The following C14orf93 variants were observed in gnomAD, a reference collection of about 807,000 sequenced individuals.
C14orf93 encodes the protein chromosome 14 open reading frame 93, also known as uncharacterized protein C14orf93.
Under a neutral mutation model 44.0 loss-of-function variants are expected in C14orf93, and 23 were observed. The observed-to-expected ratio is 0.52, with a 90% CI of 0.38 to 0.74. The LOEUF (loss-of-function observed/expected upper bound fraction) is 0.74, where lower values mean the gene tolerates loss of function less well. Among genes scored for constraint, C14orf93 ranks in the 30% least tolerant of loss-of-function variants. The pLI, the probability that C14orf93 is intolerant of heterozygous loss-of-function variation, is 0.00. For missense variants in C14orf93, 579 were observed against 678.9 expected (o/e 0.85, Z 1.64); for synonymous variants, 253 against 265.7 (o/e 0.95, Z 0.46).
chr14:22,998,265 T>C (rs1260990721), intron 2 of C14orf93, 162 bp downstream of exon 2: 2 of 1,065,636 alleles, frequency 1.9e-6, no homozygotes, highest in East Asian at 2.9e-5. Flanking sequence ...AGGAAGAAAA[T>C]AGAGCTGACT....
Position 23,004,197 on chromosome 14 carries a change from C to A in C14orf93, c.-379-4795G>T, listed in dbSNP as rs191335707. ...TGCTGAGATTACAGGCGTGAGCCATCGTTCCCGGCCAAAATATATATATAT... is the reference window on the plus strand; with the variant it reads ...TGCTGAGATTACAGGCGTGAGCCATAGTTCCCGGCCAAAATATATATATAT... On this transcript the variant is annotated intron_variant, in intron 1 of 6. Coordinates refer to ENST00000299088, the MANE Select transcript of C14orf93 (RefSeq NM_021944.4). 2.5e-3 allele frequency among the ~76,000 whole-genome samples: 352 copies of A among 140,652 alleles called. 1 individual carries two copies. Among genetic ancestry groups the A allele is most frequent in the African/African-American group, 8.9e-3 (334 of 37,722 alleles). 92.3% of individuals were successfully genotyped at this position (140,652 alleles called of 152,430 possible).
At chr14:23,007,858 A>G (rs1054007064) in intron 1 of C14orf93, among the ~76,000 whole-genome samples, 4 of 152,126 alleles carry the variant, frequency 2.6e-5, no homozygotes, top group Non-Finnish European at 2.9e-5. Context: ...CTCCATTAAA[A>G]ATTCCCGTAA....
rs566553381 is a variant in C14orf93 at position 23,004,088 on chromosome 14, G to T, written c.-379-4686C>A. On this transcript the variant is annotated intron_variant, in intron 1 of 6. Coordinates refer to ENST00000299088, the MANE Select transcript of C14orf93 (RefSeq NM_021944.4). ...CCACTCCCAGGTAATTTTTGTATTT[G>T]TAGTAGAGATAGGGTTTCACCATAT... is the stretch of plus-strand genomic sequence containing the variant. 2.3e-3 allele frequency among the ~76,000 whole-genome samples: 346 copies of T among 147,480 alleles called. 1 individual carries two copies. Among genetic ancestry groups the T allele is most frequent in the African/African-American group, 8.2e-3 (329 of 40,014 alleles).
Position 22,996,331 on chromosome 14 carries a change from C to A in C14orf93, c.598-63G>T, listed in dbSNP as rs2045973730. 1 of 1,454,162 alleles carries A rather than the reference C, an allele frequency of 6.9e-7. No homozygotes were observed. The highest frequency in any genetic ancestry group is 9.2e-7 in the Non-Finnish European group (1 of 1,082,414). 90.1% of individuals were successfully genotyped at this position (1,454,162 alleles called of 1,614,324 possible). ...GGCTTAGGGGAACCTGGTTAACCAT[C>A]ATTCTTTGGCTAAGAATAGTGAACA... On this transcript the variant is annotated intron_variant, in intron 2 of 6. Transcript: ENST00000299088. This position sits in a 1 kb window ranked among gnomAD's most constrained non-coding sequence, Gnocchi z 4.1.
In C14orf93 at chr14:22,998,896, C is replaced by G. The variant is rs779151194; in HGVS notation, c.128G>C (p.Ser43Thr). 2 of 1,613,480 alleles carry G rather than the reference C, an allele frequency of 1.2e-6. No individual in the cohort carries two copies. Among genetic ancestry groups the G allele is most frequent in the African/African-American group, 1.3e-5 (1 of 74,754 alleles). Reference sequence around the variant, plus strand: ...ATGTCCAGTCACTGTGATGGGGGTGCTGGGAGGAGGATTCCCACCCTGGGA... The same window carrying G: ...ATGTCCAGTCACTGTGATGGGGGTGGTGGGAGGAGGATTCCCACCCTGGGA... ...TGSQGGNPPPSTPITVTGHGL... is the reference protein window; with the variant it reads ...TGSQGGNPPPTTPITVTGHGL... Residue 43 changes from serine to threonine, a missense_variant, in exon 2 of 7, where the codon AGC becomes ACC. Ser to Thr is a moderately conservative substitution (Grantham distance 58). Coordinates refer to ENST00000299088, the MANE Select transcript of C14orf93 (RefSeq NM_021944.4).
At chr14:22,992,231 C>T (rs2045684500) in intron 3 of C14orf93, among the ~76,000 whole-genome samples, 1 of 151,964 alleles carries the variant, frequency 6.6e-6, no homozygotes, top group Non-Finnish European at 1.5e-5. Context: ...TTTGGGAGGC[C>T]AAGGCGGGTG....
At chr14:22,997,564 C>T (rs1198906724) in intron 2 of C14orf93, among the ~76,000 whole-genome samples, 2 of 152,168 alleles carry the variant, frequency 1.3e-5, no homozygotes, top group African/African-American at 4.8e-5. Context: ...TTCATACTTC[C>T]ATGTGTGACA....
At position 22,987,264 on chromosome 14, in the gene C14orf93, C is replaced by T. The variant is rs761397472; in HGVS notation, c.1568G>A (p.Cys523Tyr). Reference protein sequence around the residue: ...PSFDQPHKTCCPDLNSFIEIK... With the variant: ...PSFDQPHKTCYPDLNSFIEIK... ...TTCAATGAATGAGTTCAAGTCAGGA[C>T]AGCAGGTTTTGTGGGGTTGGTCAAA... Residue 523 changes from cysteine (C) to tyrosine (Y), a missense_variant, in exon 7 of 7, where the codon TGT becomes TAT. By Grantham distance (194) the Cys-to-Tyr change is radical. Transcript: ENST00000299088. The surrounding 1 kb of genome is among the most constrained non-coding windows in gnomAD (Gnocchi z 5.6). 1.9e-6 allele frequency: 3 copies of T among 1,614,222 alleles called. No homozygotes were observed. The highest frequency in any genetic ancestry group is 1.7e-6 in the Non-Finnish European group (2 of 1,180,030).
At chr14:22,988,531 C>T (rs949319393) in intron 5 of C14orf93, among the ~76,000 whole-genome samples, 4 of 152,096 alleles carry the variant, frequency 2.6e-5, no homozygotes, top group African/African-American at 9.7e-5. Flanking sequence ...GACAGGGTCT[C>T]GCTCTGTCAC....
chr14:23,003,125 C>T (rs1594670661), intron 1 of C14orf93, among the ~76,000 whole-genome samples: 1 of 152,202 alleles, frequency 6.6e-6, no homozygotes, highest in East Asian at 1.9e-4. Context: ...TCAATTTGTT[C>T]CTCAATTGCT....
At chr14:22,995,888 A>G in intron 3 of C14orf93, 60 bp downstream of exon 3, 1 of 1,475,698 alleles carries the variant, frequency 6.8e-7, no homozygotes, top group Non-Finnish European at 9.1e-7. Flanking sequence ...CAACCCACCC[A>G]TCACTCTTCA....
intron 1 of C14orf93, among the ~76,000 whole-genome samples, chr14:23,004,362 CA>C (rs750648311): frequency 5.9e-5 from 9 of 151,386 alleles, no homozygotes; most frequent in Admixed American, 3.3e-4. Flanking sequence ...AGGTATGCAC[CA>C]CCACACCTGA....
rs1168985281 is a variant in C14orf93 at position 22,987,487 on chromosome 14, C to T, written c.1345G>A (p.Ala449Thr). Residue 449 changes from alanine (A) to threonine (T), a missense_variant, in exon 7 of 7, where the codon GCC (alanine) becomes ACC (threonine). By Grantham distance (58) the Ala-to-Thr change is moderately conservative. Coordinates refer to ENST00000299088, the MANE Select transcript of C14orf93 (RefSeq NM_021944.4). The surrounding 1 kb of genome is among the most constrained non-coding windows in gnomAD (Gnocchi z 5.6). ...TAGCAGAGCTCTGTGAGGCGCTGGG[C>T]CCGGAAACGGGGAGGGCGGGCCACC... is the stretch of plus-strand genomic sequence containing the variant. ...VWVARPPRFR[A>T]QRLTELCYHL... The T allele has an allele frequency of 6.2e-7, 1 of 1,614,088 alleles. No homozygotes were observed.
intron 3 of C14orf93, among the ~76,000 whole-genome samples, chr14:22,991,947 A>T (rs986886974): frequency 5.3e-5 from 8 of 152,204 alleles, no homozygotes; most frequent in Non-Finnish European, 2.9e-5. Context: ...GTATTTCTTC[A>T]TGTGTTACCA....
rs1047428832 is a variant in C14orf93 at position 22,985,896 on chromosome 14, G to C, written c.*1319C>G. The stretch of plus-strand genomic sequence containing the variant: ...AAAAATCCTAAGTCGAACCATCGTT[G>C]AGTTGGGGACTGCCTGTAGGCAAAA... On this transcript the variant is annotated 3_prime_UTR_variant, in exon 7 of 7. Coordinates refer to ENST00000299088, the MANE Select transcript of C14orf93 (RefSeq NM_021944.4). 4 of 152,232 alleles carry C rather than the reference G, an allele frequency of 2.6e-5. No homozygotes were observed. Among genetic ancestry groups the C allele is most frequent in the African/African-American group, 9.7e-5 (4 of 41,448 alleles). The allele number at this position is 152,232 out of a possible 1,614,324, so 9.4% of individuals were successfully genotyped here. A position where few individuals can be genotyped will look rare whatever the true frequency, so the allele number is the denominator to read the frequency against.
intron 3 of C14orf93, among the ~76,000 whole-genome samples, chr14:22,995,260 T>C (rs2045898405): frequency 6.6e-6 from 1 of 152,200 alleles, no homozygotes; most frequent in Non-Finnish European, 1.5e-5. Context: ...CTTCACTTGC[T>C]TTTCCACCCA....
chr14:22,999,955 AC>A, intron 1 of C14orf93: 1 of 152,204 alleles, frequency 6.6e-6, no homozygotes, highest in Admixed American at 6.5e-5. Flanking sequence ...ATAGTCGTGT[AC>A]CTGGGCCATG....
In C14orf93 at chr14:22,987,349, G is replaced by A. The variant is rs1194586898; in HGVS notation, c.1483C>T (p.Pro495Ser). Reference sequence around the variant, plus strand: ...TCATCTTCCTCTTCTTGGAAATTAGGATTGTAAAGTTCTGGTGGAAGGAGC... The same window carrying A: ...TCATCTTCCTCTTCTTGGAAATTAGAATTGTAAAGTTCTGGTGGAAGGAGC... ...AQLLPPELYNPNFQEEEDEGG... is the reference protein window; with the variant it reads ...AQLLPPELYNSNFQEEEDEGG... Residue 495 changes from proline (P) to serine (S), a missense_variant, in exon 7 of 7, where the codon CCT (proline) becomes TCT (serine). Coordinates refer to ENST00000299088, the MANE Select transcript of C14orf93 (RefSeq NM_021944.4). This position sits in a 1 kb window ranked among gnomAD's most constrained non-coding sequence, Gnocchi z 5.6. The A allele has an allele frequency of 5.0e-6, 8 of 1,614,122 alleles. No homozygotes were observed. Among genetic ancestry groups the A allele is most frequent in the Non-Finnish European group, 5.9e-6 (7 of 1,180,048 alleles).
intron 5 of C14orf93, among the ~76,000 whole-genome samples, chr14:22,988,448 A>G (rs1300630913): frequency 6.6e-6 from 1 of 152,142 alleles, no homozygotes; most frequent in Non-Finnish European, 1.5e-5. Flanking sequence ...TTCTTGGCAT[A>G]GGCATTAGCA....
Sources: allele counts gnomAD v4.1 joint callset (sites outside exome capture counted in the v4.1 genomes callset), GRCh38; gene constraint gnomAD v4.1.1; non-coding constraint Gnocchi (gnomAD v3.1); transcripts MANE v1.5; gene names NCBI Gene and HGNC (gene_info 2026-07-23, HGNC 2026-07-21).